Variants in TRDN observed in about 807,000 individuals in gnomAD.
TRDN encodes the protein triadin in skeletal muscle.
A neutral mutation model predicts 149.7 loss-of-function variants in TRDN; 161 were observed. That is an observed-to-expected ratio of 1.08 (90% confidence interval 0.95 to 1.23). The LOEUF (loss-of-function observed/expected upper bound fraction) is 1.23, where lower values mean the gene tolerates loss of function less well. Ranked by LOEUF, TRDN falls within the 50% of genes most tolerant of loss-of-function variation. TRDN has a pLI of 0.00. For synonymous variants in TRDN, 294 were observed against 250.5 expected, an observed-to-expected ratio of 1.17 and a Z score of -1.64; for missense variants, 896 against 823.5, an observed-to-expected ratio of 1.09 and a Z score of -1.08.
intron 24 of TRDN, among the ~76,000 whole-genome samples, chr6:123,288,066 A>T (rs1032350358): frequency 6.6e-6 from 1 of 152,092 alleles, no homozygotes; most frequent in African/African-American, 2.4e-5. Flanking sequence ...AAATAAAAAT[A>T]TAAAGGTCAC....
intron 1 of TRDN, among the ~76,000 whole-genome samples, chr6:123,611,366 G>A (rs1784801071): frequency 1.3e-5 from 2 of 152,210 alleles, no homozygotes; most frequent in East Asian, 3.9e-4. Flanking sequence ...TGCCCACACT[G>A]TAGTCTGCTT....
At chr6:123,592,988 A>G (rs759276587) in intron 1 of TRDN, among the ~76,000 whole-genome samples, 1 of 152,196 alleles carries the variant, frequency 6.6e-6, no homozygotes, top group African/African-American at 2.4e-5. Context: ...TGGATATTAA[A>G]CTCATTGGTT....
chr6:123,479,960 C>T lies in TRDN; in HGVS notation c.854-14977G>A, dbSNP rs547308585. ...AATACAAAGAACACATATTTTCAAC[C>T]ATCAGTTATGGTAACGCAATATTCA... On this transcript the variant is annotated intron_variant, in intron 9 of 40. Transcript: ENST00000334268. Among the ~76,000 whole-genome samples the T allele has an allele frequency of 9.9e-5, 15 of 151,998 alleles. No individual in the cohort carries two copies. In the South Asian group the frequency reaches 3.1e-3, roughly 32 times the overall value.
chr6:123,592,878 G>C (rs1249744847), intron 1 of TRDN, among the ~76,000 whole-genome samples: 1 of 151,984 alleles, frequency 6.6e-6, no homozygotes, highest in African/African-American at 2.4e-5. Context: ...AAAAAAATAA[G>C]AAAAATGAAA....
At chr6:123,231,453 T>C (rs943781573) in intron 38 of TRDN, among the ~76,000 whole-genome samples, 1 of 151,994 alleles carries the variant, frequency 6.6e-6, no homozygotes, top group East Asian at 1.9e-4. Context: ...GAAAAGAGAA[T>C]GATGGGATCA....
At chr6:123,539,730 T>C (rs1235797612) in intron 4 of TRDN, among the ~76,000 whole-genome samples, 1 of 152,244 alleles carries the variant, frequency 6.6e-6, no homozygotes, top group African/African-American at 2.4e-5. Flanking sequence ...ATTCATGTTT[T>C]GGGATTTTGT....
At chr6:123,383,932 A>G (rs1781813402) in intron 14 of TRDN, among the ~76,000 whole-genome samples, 1 of 152,152 alleles carries the variant, frequency 6.6e-6, no homozygotes, top group African/African-American at 2.4e-5. Context: ...CATTTGTTAA[A>G]CACTGTTGTG....
At chr6:123,603,422 G>T in intron 1 of TRDN, among the ~76,000 whole-genome samples, 1 of 151,126 alleles carries the variant, frequency 6.6e-6, no homozygotes. Context: ...TCTGTATTGA[G>T]GTCTGTGATG....
chr6:123,252,003 A>G (rs572844474), intron 38 of TRDN, among the ~76,000 whole-genome samples: 1 of 152,206 alleles, frequency 6.6e-6, no homozygotes, highest in African/African-American at 2.4e-5. Context: ...ACACAATTTT[A>G]TTTAGGTTAA....
At chr6:123,448,218 T>C (rs1161146972) in intron 10 of TRDN, among the ~76,000 whole-genome samples, 1 of 152,054 alleles carries the variant, frequency 6.6e-6, no homozygotes, top group East Asian at 1.9e-4. Context: ...ACAATTTGAA[T>C]GGGGTGAGAA....
At chr6:123,634,945 G>A (rs999004971) in intron 1 of TRDN, among the ~76,000 whole-genome samples, 32 of 152,042 alleles carry the variant, frequency 2.1e-4, no homozygotes, top group African/African-American at 6.0e-4. Context: ...AACCCCCGCA[G>A]AGCAAAGGCA....
intron 33 of TRDN, among the ~76,000 whole-genome samples, chr6:123,264,820 G>A (rs1411202389): frequency 1.3e-5 from 2 of 151,974 alleles, no homozygotes; most frequent in Admixed American, 1.3e-4. Flanking sequence ...ACAACTTGCT[G>A]GTTTCAGATG....
At chr6:123,630,197 G>T (rs1434347208) in intron 1 of TRDN, among the ~76,000 whole-genome samples, 1 of 151,918 alleles carries the variant, frequency 6.6e-6, no homozygotes, top group Non-Finnish European at 1.5e-5. Context: ...TAGATAATAT[G>T]TATTTTTTAA....
chr6:123,300,301 C>T (rs1778355938), intron 24 of TRDN, among the ~76,000 whole-genome samples: 1 of 151,938 alleles, frequency 6.6e-6, no homozygotes, highest in South Asian at 2.1e-4. Flanking sequence ...CTGAAGAAAG[C>T]TCAAAAAGTT....
chr6:123,233,543 A>G (rs1422923413), intron 38 of TRDN, among the ~76,000 whole-genome samples: 1 of 152,102 alleles, frequency 6.6e-6, no homozygotes, highest in East Asian at 1.9e-4. Context: ...CATCACCCTT[A>G]AATGAATGAG....
At chr6:123,343,434 T>C (rs1780136360) in intron 21 of TRDN, among the ~76,000 whole-genome samples, 1 of 151,944 alleles carries the variant, frequency 6.6e-6, no homozygotes, top group Non-Finnish European at 1.5e-5. Context: ...GTGTAACTGT[T>C]CAAATTGAAA....
chr6:123,462,802 A>G (rs1221500124), intron 10 of TRDN: 1 of 152,164 alleles, frequency 6.6e-6, no homozygotes, highest in African/African-American at 2.4e-5. Flanking sequence ...CAGCCTGATT[A>G]ATACTAAATA....
intron 18 of TRDN, among the ~76,000 whole-genome samples, chr6:123,376,831 A>G (rs537528739): frequency 6.6e-6 from 1 of 152,220 alleles, no homozygotes; most frequent in South Asian, 2.1e-4. Context: ...CATTTAAATA[A>G]AATGAAATGG....
intron 4 of TRDN, among the ~76,000 whole-genome samples, chr6:123,533,635 G>C (rs1403351163): frequency 6.6e-6 from 1 of 152,006 alleles, no homozygotes. Flanking sequence ...CCTGACAAAG[G>C]AAATGAGTGC....
Sources: allele counts gnomAD v4.1 joint callset (sites outside exome capture counted in the v4.1 genomes callset), GRCh38; gene constraint gnomAD v4.1.1; transcripts MANE v1.5; gene names NCBI Gene and HGNC (gene_info 2026-07-23, HGNC 2026-07-21).